The following ACOX3 variants were observed in gnomAD, a reference collection of about 807,000 sequenced individuals.
ACOX3 encodes the protein peroxisomal acyl-coenzyme A oxidase 3.
Under a neutral mutation model 81.5 loss-of-function variants are expected in ACOX3, and 73 were observed. The observed-to-expected ratio is 0.90, with a 90% CI of 0.74 to 1.09. The LOEUF (loss-of-function observed/expected upper bound fraction) is 1.09. ACOX3 is among the 50% of genes least tolerant of loss of function. The pLI, the probability that ACOX3 is intolerant of heterozygous loss-of-function variation, is 0.00. For synonymous variants in ACOX3, 387 were observed against 375.1 expected (o/e 1.03, Z -0.37); for missense variants, 947 against 928.0 (o/e 1.02, Z -0.27).
At chr4:8,425,874 G>A (rs1723426860) in intron 1 of ACOX3, among the ~76,000 whole-genome samples, 1 of 152,046 alleles carries the variant, frequency 6.6e-6, no homozygotes, top group South Asian at 2.1e-4. Flanking sequence ...GAGTATCGCA[G>A]ACGTTACTTA....
chr4:8,410,711 CT>C, intron 5 of ACOX3, among the ~76,000 whole-genome samples: 1 of 152,208 alleles, frequency 6.6e-6, no homozygotes, highest in East Asian at 1.9e-4. Flanking sequence ...GCGGGGCTGT[CT>C]GTGCCCTGTG....
At chr4:8,365,110 A>T (rs1401024218), downstream of ACOX3, among the ~76,000 whole-genome samples, 1 of 152,228 alleles carries the variant, frequency 6.6e-6, no homozygotes, top group Non-Finnish European at 1.5e-5. Flanking sequence ...TTGACAGCCC[A>T]CGCAGGCCCA....
chr4:8,380,272 C>T (rs899937225), intron 14 of ACOX3, among the ~76,000 whole-genome samples: 1 of 151,230 alleles, frequency 6.6e-6, no homozygotes, highest in African/African-American at 2.4e-5. Context: ...TCTCTGCAAC[C>T]TCCACCTTCC....
rs981293083 is a variant in ACOX3 at position 8,366,817 on chromosome 4, G to A, written c.*144C>T. On this transcript the variant is annotated 3_prime_UTR_variant, in exon 18 of 18. Coordinates refer to ENST00000356406, the MANE Select transcript of ACOX3 (RefSeq NM_003501.3). ...CTCCCTCCCGTCCGCCTGGGCAGTT[G>A]AGGCCAATCAGCAGTTTAGGCGCAC... 8.2e-7 allele frequency: 1 copy of A among 1,213,802 alleles called. No individual in the cohort carries two copies. 75.2% of individuals were successfully genotyped at this position (1,213,802 alleles called of 1,614,324 possible). A position where few individuals can be genotyped will look rare whatever the true frequency, so the allele number is the denominator to read the frequency against.
chr4:8,378,116 G>C (rs974688353), intron 14 of ACOX3, among the ~76,000 whole-genome samples: 2 of 152,230 alleles, frequency 1.3e-5, no homozygotes, highest in Non-Finnish European at 2.9e-5. Context: ...CAGGAGAGAG[G>C]AGAGGGTCCC....
Position 8,373,593 on chromosome 4 carries a change from A to G in ACOX3, c.1864T>C (p.Leu622=). 6.2e-7 allele frequency: 1 copy of G among 1,613,666 alleles called. No individual in the cohort carries two copies. Among genetic ancestry groups the G allele is most frequent in the South Asian group, 1.1e-5 (1 of 90,984 alleles). Residue 622 remains leucine, a synonymous_variant, in exon 16 of 18, where the codon TTG becomes CTG. Coordinates refer to ENST00000356406, the MANE Select transcript of ACOX3 (RefSeq NM_003501.3). ...CACAAAGCCAGGACGGCGCTCTCCA[A>G]CACTTCTCCCGCCTGCTCACCGGAG... The part of the protein sequence containing the change: ...YFSGEQAGEV[L]ESAVLALCSQ...
intron 14 of ACOX3, among the ~76,000 whole-genome samples, chr4:8,377,853 AGTG>A (rs1241219174): frequency 1.3e-5 from 2 of 152,164 alleles, no homozygotes; most frequent in Non-Finnish European, 2.9e-5. Flanking sequence ...CCACGGACAA[AGTG>A]TCCCCACAGC....
Position 8,389,344 on chromosome 4 carries a change from C to T in ACOX3, c.1424-58G>A. On this transcript the variant is annotated intron_variant, in intron 12 of 17. Coordinates refer to ENST00000356406, the MANE Select transcript of ACOX3 (RefSeq NM_003501.3). The surrounding 1 kb of genome is among the most constrained non-coding windows in gnomAD (Gnocchi z 5.3). ...GACAGGAACCCAAACCATTGGGAACCCCAAGCTGGGGGCACCCCAAAGCAC... is the reference window on the plus strand; with the variant it reads ...GACAGGAACCCAAACCATTGGGAACTCCAAGCTGGGGGCACCCCAAAGCAC... 1 of 1,530,308 alleles carries T rather than the reference C, an allele frequency of 6.5e-7. No individual in the cohort carries two copies. 94.8% of individuals were successfully genotyped at this position (1,530,308 alleles called of 1,614,324 possible). A position where few individuals can be genotyped will look rare whatever the true frequency, so the allele number is the denominator to read the frequency against.
chr4:8,428,873 G>T (rs547730519), intron 1 of ACOX3, among the ~76,000 whole-genome samples: 2 of 152,286 alleles, frequency 1.3e-5, no homozygotes, highest in African/African-American at 4.8e-5. Context: ...CCAGGAGTTT[G>T]AGACCAGCCT....
At chr4:8,429,339 G>T (rs1723805983) in intron 1 of ACOX3, among the ~76,000 whole-genome samples, 1 of 152,210 alleles carries the variant, frequency 6.6e-6, no homozygotes, top group Admixed American at 6.5e-5. Context: ...AAAGGGGAGG[G>T]GAGTCTAGTT....
chr4:8,358,631 A>G, the ACOX3 span, among the ~76,000 whole-genome samples: 1 of 152,216 alleles, frequency 6.6e-6, no homozygotes, highest in Non-Finnish European at 1.5e-5. Flanking sequence ...AACAGGCTGC[A>G]ATAAGGAAGC....
chr4:8,396,283 AGT>A (rs1719677694), intron 9 of ACOX3, among the ~76,000 whole-genome samples: 1 of 152,214 alleles, frequency 6.6e-6, no homozygotes, highest in Admixed American at 6.5e-5. Flanking sequence ...AGTGTCAAAG[AGT>A]GTGCACAGGG....
rs747433416 is a variant in ACOX3 at position 8,382,488 on chromosome 4, C to T, written c.1538-881G>A. Among the ~76,000 whole-genome samples the T allele has an allele frequency of 2.0e-5, 3 of 152,130 alleles. No individual in the cohort carries two copies. Among genetic ancestry groups the T allele is most frequent in the Non-Finnish European group, 4.4e-5 (3 of 68,020 alleles). Reference sequence around the variant, plus strand: ...ACCACCCACATGTGGAGGCCACGCTCACACCCACCCCCTGCCCAGGCACAG... The same window carrying T: ...ACCACCCACATGTGGAGGCCACGCTTACACCCACCCCCTGCCCAGGCACAG... On this transcript the variant is annotated intron_variant, in intron 13 of 17. Coordinates refer to ENST00000356406, the MANE Select transcript of ACOX3 (RefSeq NM_003501.3). This position sits in a 1 kb window ranked among gnomAD's most constrained non-coding sequence, Gnocchi z 4.1.
downstream of ACOX3, among the ~76,000 whole-genome samples, chr4:8,363,702 C>T (rs992726008): frequency 6.6e-6 from 1 of 152,080 alleles, no homozygotes; most frequent in East Asian, 1.9e-4. Context: ...GAGATGAGGT[C>T]GGCACAGGAT....
Position 8,386,482 on chromosome 4 carries a change from C to A in ACOX3, c.1537+2691G>T, listed in dbSNP as rs577895918. Among the ~76,000 whole-genome samples, 5 of 149,844 alleles carry A rather than the reference C, an allele frequency of 3.3e-5. No homozygotes were observed. The highest frequency in any genetic ancestry group is 9.9e-5 in the African/African-American group (4 of 40,550). ...TCCGGAGGCTGAGGCAGGAGAATGG[C>A]GAGAACCTGGGAGGTGGAGCTTGCA... On this transcript the variant is annotated intron_variant, in intron 13 of 17. Transcript: ENST00000356406. The surrounding 1 kb of genome is among the most constrained non-coding windows in gnomAD (Gnocchi z 5.2).
intron 1 of ACOX3, among the ~76,000 whole-genome samples, chr4:8,417,693 T>C (rs1722491554): frequency 1.3e-5 from 2 of 151,804 alleles, no homozygotes; most frequent in South Asian, 2.1e-4. Context: ...AGGAAGAAAA[T>C]AATAAAAGAT....
chr4:8,410,251 T>C lies in ACOX3; in HGVS notation c.648A>G (p.Pro216=), dbSNP rs2108955358. The C allele has an allele frequency of 1.9e-6, 3 of 1,614,136 alleles. No homozygotes were observed. The highest frequency in any genetic ancestry group is 2.5e-6 in the Non-Finnish European group (3 of 1,179,968). Residue 216 remains proline (P), a synonymous_variant, in exon 6 of 18, where the codon CCA becomes CCG. Coordinates refer to ENST00000356406, the MANE Select transcript of ACOX3 (RefSeq NM_003501.3). ...HAVVFAKLCV[P]GDQCHGLHPF... Reference sequence around the variant, plus strand: ...GATGCAGCCCATGGCACTGGTCCCCTGGCACACACAGCTTAGCAAACACCA... The same window carrying C: ...GATGCAGCCCATGGCACTGGTCCCCCGGCACACACAGCTTAGCAAACACCA...
At chr4:8,379,932 T>C (rs571304177) in intron 14 of ACOX3, among the ~76,000 whole-genome samples, 83 of 151,706 alleles carry the variant, frequency 5.5e-4, no homozygotes, top group African/African-American at 1.8e-3. Context: ...ATTACAGACA[T>C]GAGCCAGTGC....
At chr4:8,418,896 A>C (rs372400171) in intron 1 of ACOX3, among the ~76,000 whole-genome samples, 6 of 152,280 alleles carry the variant, frequency 3.9e-5, no homozygotes, top group Non-Finnish European at 5.9e-5. Flanking sequence ...ACAACAACAA[A>C]AACACAGAAA....
Sources: gnomAD v4.1 joint callset for allele counts (sites outside exome capture counted in the v4.1 genomes callset) on GRCh38, gnomAD v4.1.1 for gene constraint, Gnocchi (gnomAD v3.1) non-coding constraint, MANE v1.5 for transcripts, NCBI Gene and HGNC (gene_info 2026-07-23, HGNC 2026-07-21) for gene names.